The following ELAVL4 variants were observed in gnomAD, a reference collection of about 807,000 sequenced individuals.
The protein encoded by ELAVL4 is ELAV-like protein 4.
A neutral mutation model predicts 35.6 loss-of-function variants in ELAVL4; 1 was observed. That is an observed-to-expected ratio of 0.03 (90% CI 0.01 to 0.13). The LOEUF is 0.13. Among genes scored for constraint, ELAVL4 ranks in the 10% least tolerant of loss-of-function variants. The pLI is 1.00. For synonymous variants in ELAVL4, 156 were observed against 171.0 expected, an observed-to-expected ratio of 0.91 and a Z score of 0.69; for missense variants, 267 against 464.9, an observed-to-expected ratio of 0.57 and a Z score of 3.91.
intron 4 of ELAVL4, 88 bp from the exon 5 acceptor site, chr1:50,195,473 C>T: frequency 6.8e-7 from 1 of 1,466,414 alleles, no homozygotes; most frequent in Non-Finnish European, 9.5e-7. Context: ...TTACTCCTCA[C>T]ACAATATCCA....
chr1:50,199,643 G>C (rs1174596212), intron 6 of ELAVL4, among the ~76,000 whole-genome samples: 1 of 151,836 alleles, frequency 6.6e-6, no homozygotes, highest in Non-Finnish European at 1.5e-5. Context: ...GGGAGGCAGA[G>C]GTTACAATGA....
intron 3 of ELAVL4, among the ~76,000 whole-genome samples, chr1:50,192,523 A>G (rs1005039628): frequency 2.4e-4 from 25 of 105,868 alleles, no homozygotes; most frequent in African/African-American, 8.9e-4. Flanking sequence ...GTGCACGCAC[A>G]CACACACACA....
intron 1 of ELAVL4, among the ~76,000 whole-genome samples, chr1:50,059,133 T>A (rs1663830665): frequency 6.6e-6 from 1 of 152,180 alleles, no homozygotes; most frequent in African/African-American, 2.4e-5. Context: ...TAGAGTGGTA[T>A]AAATAAAAAT....
chr1:50,099,560 CAAA>C (rs750905424), upstream of ELAVL4, among the ~76,000 whole-genome samples: 5 of 56,314 alleles, frequency 8.9e-5, no homozygotes, highest in East Asian at 5.1e-4. Flanking sequence ...AACTCCGCCT[CAAA>C]AAAAAAAAAA....
At chr1:50,159,883 G>A (rs867513490) in intron 2 of ELAVL4, among the ~76,000 whole-genome samples, 19 of 152,190 alleles carry the variant, frequency 1.2e-4, no homozygotes, top group Non-Finnish European at 2.5e-4. Flanking sequence ...CTGCTGCCCC[G>A]GGGTGGGCAA....
chr1:50,144,275 G>A (rs1207102855), intron 1 of ELAVL4, among the ~76,000 whole-genome samples: 1 of 152,002 alleles, frequency 6.6e-6, no homozygotes, highest in Non-Finnish European at 1.5e-5. Flanking sequence ...AGGCGGTGCT[G>A]GACCTAACGT....
chr1:50,124,438 C>A (rs1455587872), intron 1 of ELAVL4, among the ~76,000 whole-genome samples: 1 of 152,006 alleles, frequency 6.6e-6, no homozygotes, highest in East Asian at 1.9e-4. Flanking sequence ...ATTTTTATTC[C>A]CATTTTGAAG....
rs925674714 is a variant in ELAVL4 at position 50,151,177 on chromosome 1, T to A, written c.250+5980T>A. Among the ~76,000 whole-genome samples, 17 of 152,208 alleles carry A rather than the reference T, an allele frequency of 1.1e-4. 1 individual carries two copies. Among genetic ancestry groups the A allele is most frequent in the Non-Finnish European group, 2.5e-4 (17 of 68,036 alleles). On this transcript the variant is annotated intron_variant, in intron 2 of 6. Coordinates refer to ENST00000371824, the MANE Select transcript of ELAVL4 (RefSeq NM_001144774.3). ...AACCCAGCACTGACTAATTGTGAAT[T>A]GTCAAATTTATACTTTATTTCTGGC...
intron 2 of ELAVL4, among the ~76,000 whole-genome samples, chr1:50,155,845 T>C (rs1675633675): frequency 6.6e-6 from 1 of 152,182 alleles, no homozygotes; most frequent in Non-Finnish European, 1.5e-5. Flanking sequence ...ATCCTGGTCC[T>C]AACTGTGGAA....
intron 1 of ELAVL4, chr1:50,110,011 G>A: frequency 9.4e-6 from 15 of 1,603,236 alleles, no homozygotes; most frequent in Non-Finnish European, 1.3e-5. Context: ...CCCTGTGTGT[G>A]TGTGTGTGTG....
chr1:50,195,670 T>C lies in ELAVL4; in HGVS notation c.618T>C (p.Thr206=). The change falls in exon 5 of 7, where the codon ACT becomes ACC. Residue 206 remains threonine (T), a synonymous_variant. Transcript: ENST00000371824. ...QKPSGATEPI[T]VKFANNPSQK... is the part of the protein sequence containing the mutation. ...CCAGCGGTGCTACGGAACCGATTAC[T>C]GTGAAGTTTGCCAACAACCCCAGCC... The C allele has an allele frequency of 6.2e-7, 1 of 1,614,188 alleles. No homozygotes were observed. The highest frequency in any genetic ancestry group is 8.5e-7 in the Non-Finnish European group (1 of 1,180,010).
intron 1 of ELAVL4, among the ~76,000 whole-genome samples, chr1:50,077,657 A>G (rs533071452): frequency 2.0e-5 from 3 of 152,360 alleles, no homozygotes; most frequent in African/African-American, 7.2e-5. Flanking sequence ...TAAATTAACT[A>G]TCATACTTAC....
intron 1 of ELAVL4, among the ~76,000 whole-genome samples, chr1:50,070,740 CAA>C (rs34633476): frequency 2.1e-3 from 160 of 77,090 alleles, no homozygotes; most frequent in Middle Eastern, 6.3e-3. Flanking sequence ...GACTCCATCT[CAA>C]AAAAAAAAAA....
chr1:50,092,668 G>T (rs117323819), intron 1 of ELAVL4, among the ~76,000 whole-genome samples: 1 of 152,224 alleles, frequency 6.6e-6, no homozygotes, highest in East Asian at 1.9e-4. Context: ...ACTAATAACA[G>T]TACATTGTGA....
upstream of ELAVL4, chr1:50,108,792 T>G (rs986221248): frequency 1.4e-5 from 5 of 358,778 alleles, no homozygotes; most frequent in Non-Finnish European, 1.9e-5. Context: ...ATTAACATCG[T>G]CAATCTGGCA....
At chr1:50,129,689 G>C (rs1473450154) in intron 1 of ELAVL4, among the ~76,000 whole-genome samples, 1 of 152,098 alleles carries the variant, frequency 6.6e-6, no homozygotes, top group East Asian at 1.9e-4. Context: ...TTGTGAAGAT[G>C]AATAGCTATT....
chr1:50,076,779 G>A (rs749888953), intron 1 of ELAVL4, among the ~76,000 whole-genome samples: 2 of 152,116 alleles, frequency 1.3e-5, no homozygotes, highest in African/African-American at 4.8e-5. Context: ...AATATTTGAC[G>A]ATTATTTAGG....
intron 1 of ELAVL4, among the ~76,000 whole-genome samples, chr1:50,129,527 G>A (rs1670507796): frequency 6.6e-6 from 1 of 152,086 alleles, no homozygotes; most frequent in African/African-American, 2.4e-5. Context: ...CTTTTTGAAA[G>A]GGCAAAAGAT....
rs1430897412 is a variant in ELAVL4 at position 50,119,032 on chromosome 1, AAGAAAAAG to A, written c.9+9836_9+9843del. 8.7e-4 allele frequency among the ~76,000 whole-genome samples: 114 copies of A among 130,310 alleles called. 1 individual carries two copies. Among genetic ancestry groups the A allele is most frequent in the African/African-American group, 3.2e-3 (107 of 33,654 alleles). The allele number at this position is 130,310 out of a possible 152,430, so 85.5% of individuals were successfully genotyped here. A position where few individuals can be genotyped will look rare whatever the true frequency, so the allele number is the denominator to read the frequency against. Reference sequence around the variant, plus strand: ...AGAAAGAAAAGAAAGGAAAGAAAGAAAGAAAAAGAAAGAAAGAAAGAAAGAAAGAAAGA... The same window carrying A: ...AGAAAGAAAAGAAAGGAAAGAAAGAAAAAGAAAGAAAGAAAGAAAGAAAGA... On this transcript the variant is annotated intron_variant, in intron 1 of 6. Transcript: ENST00000371824.
Sources: gnomAD v4.1 joint callset for allele counts (sites outside exome capture counted in the v4.1 genomes callset) on GRCh38, gnomAD v4.1.1 for gene constraint, MANE v1.5 for transcripts, NCBI Gene and HGNC (gene_info 2026-07-23, HGNC 2026-07-21) for gene names.